Variants in ZNF521 observed in about 807,000 individuals in gnomAD.
The protein encoded by ZNF521 is zinc finger protein 521.
In ZNF521, 14 loss-of-function variants were observed where a neutral mutation model predicts 105.5. The ratio of observed to expected loss-of-function variants is 0.13; its 90% CI spans 0.09 to 0.21. ZNF521 has a LOEUF of 0.21. ZNF521 is among the 10% of genes least tolerant of loss of function. ZNF521 has a pLI of 1.00. For synonymous variants in ZNF521, 635 were observed against 606.0 expected (o/e 1.05, Z -0.70); for missense variants, 1,233 against 1,629.7 (o/e 0.76, Z 4.19).
Position 25,214,418 on chromosome 18 carries a change from A to T in ZNF521, c.3573+9927T>A, listed in dbSNP as rs539107987. Among the ~76,000 whole-genome samples the T allele has an allele frequency of 1.9e-4, 29 of 152,048 alleles. No homozygotes were observed. The South Asian group carries it at 6.0e-3, about 32-fold the overall frequency. The stretch of plus-strand genomic sequence containing the variant: ...TTCTGTCAGTCTTTTCAGAAAACTA[A>T]CTTTTCACTTTCTTGGCCTCCTTGT... On this transcript the variant is annotated intron_variant, in intron 4 of 7. Coordinates refer to ENST00000361524, the MANE Select transcript of ZNF521 (RefSeq NM_015461.3).
At chr18:25,154,169 T>C (rs2035100631) in intron 5 of ZNF521, among the ~76,000 whole-genome samples, 1 of 152,160 alleles carries the variant, frequency 6.6e-6, no homozygotes, top group Admixed American at 6.5e-5. Context: ...TCAAGCTATT[T>C]GGGGAAAAAA....
intron 2 of ZNF521, among the ~76,000 whole-genome samples, chr18:25,322,995 A>C (rs1232436498): frequency 1.3e-5 from 2 of 152,158 alleles, no homozygotes; most frequent in Non-Finnish European, 2.9e-5. Context: ...CGGGGAGAGA[A>C]AAGCACGTGG....
chr18:25,269,507 G>C (rs1258446023), intron 3 of ZNF521, among the ~76,000 whole-genome samples: 1 of 152,054 alleles, frequency 6.6e-6, no homozygotes, highest in Non-Finnish European at 1.5e-5. Context: ...GCACCACGTA[G>C]CACTTATTCT....
intron 5 of ZNF521, among the ~76,000 whole-genome samples, chr18:25,186,865 T>C (rs1451000295): frequency 7.5e-6 from 1 of 132,772 alleles, no homozygotes; most frequent in Non-Finnish European, 1.6e-5. Context: ...CTAGTAGAAA[T>C]GTCACCCACC....
chr18:25,273,869 A>G (rs1023296122), intron 3 of ZNF521, among the ~76,000 whole-genome samples: 1 of 152,184 alleles, frequency 6.6e-6, no homozygotes, highest in Non-Finnish European at 1.5e-5. Context: ...GGATAAGTAC[A>G]GTTTTCTATT....
At chr18:25,220,014 C>T (rs1025542377) in intron 4 of ZNF521, among the ~76,000 whole-genome samples, 9 of 152,070 alleles carry the variant, frequency 5.9e-5, no homozygotes, top group South Asian at 4.1e-4. Flanking sequence ...ATTTGGAGAG[C>T]GGTCAGTAAA....
Position 25,225,047 on chromosome 18 carries a change from T to G in ZNF521, c.2871A>C (p.Lys957Asn). 6.2e-7 allele frequency: 1 copy of G among 1,614,162 alleles called. No individual in the cohort carries two copies. Among genetic ancestry groups the G allele is most frequent in the Non-Finnish European group, 8.5e-7 (1 of 1,180,012 alleles). ...EHMQTHLGPV[K>N]HYMCPICGER... Reference sequence around the variant, plus strand: ...CTCCGCAAATAGGGCACATGTAGTGTTTGACAGGGCCTAGGTGGGTCTGCA... The same window carrying G: ...CTCCGCAAATAGGGCACATGTAGTGGTTGACAGGGCCTAGGTGGGTCTGCA... The change falls in exon 4 of 8, where the codon AAA becomes AAC. Residue 957 changes from lysine to asparagine, a missense_variant. Around this residue, in one of 6 missense-constraint regions of ZNF521, gnomAD observed 614 missense variants for 751.5 expected, o/e 0.82. Transcript: ENST00000361524. This position sits in a 1 kb window ranked among gnomAD's most constrained non-coding sequence, Gnocchi z 5.6.
chr18:25,124,637 T>C (rs1394194773), intron 5 of ZNF521, among the ~76,000 whole-genome samples: 2 of 152,204 alleles, frequency 1.3e-5, no homozygotes, highest in African/African-American at 4.8e-5. Context: ...TGTTCTTGTG[T>C]TGTGCAAACT....
chr18:25,347,973 C>T (rs1398572434), intron 2 of ZNF521, among the ~76,000 whole-genome samples: 1 of 152,208 alleles, frequency 6.6e-6, no homozygotes, highest in Non-Finnish European at 1.5e-5. Context: ...GGGCCTATTG[C>T]ATTTTCATGG....
intron 5 of ZNF521, among the ~76,000 whole-genome samples, chr18:25,104,570 C>T (rs2034033511): frequency 6.6e-6 from 1 of 152,144 alleles, no homozygotes; most frequent in Admixed American, 6.5e-5. Context: ...GGCCTCTTGC[C>T]CTTTTCTTTG....
intron 3 of ZNF521, among the ~76,000 whole-genome samples, chr18:25,236,275 C>A (rs1046470300): frequency 1.3e-5 from 2 of 152,190 alleles, no homozygotes; most frequent in African/African-American, 4.8e-5. Flanking sequence ...GTGGCTCACG[C>A]CTGTAATCCC....
intron 3 of ZNF521, among the ~76,000 whole-genome samples, chr18:25,287,851 A>G (rs1035046212): frequency 6.6e-6 from 1 of 152,230 alleles, no homozygotes; most frequent in Non-Finnish European, 1.5e-5. Context: ...AGATTCGCAG[A>G]TAAGTATCCA....
intron 5 of ZNF521, among the ~76,000 whole-genome samples, chr18:25,125,054 A>C (rs2034513434): frequency 6.6e-6 from 1 of 152,152 alleles, no homozygotes; most frequent in Non-Finnish European, 1.5e-5. Context: ...TTATGTGTCT[A>C]CTACAAGTAC....
intron 4 of ZNF521, among the ~76,000 whole-genome samples, chr18:25,195,956 G>A (rs1291974588): frequency 6.6e-6 from 1 of 151,706 alleles, no homozygotes; most frequent in Non-Finnish European, 1.5e-5. Flanking sequence ...TTTGCCTGAT[G>A]TCATGGTGCT....
intron 3 of ZNF521, among the ~76,000 whole-genome samples, chr18:25,233,604 G>A (rs1216366388): frequency 1.3e-5 from 2 of 151,720 alleles, no homozygotes; most frequent in Non-Finnish European, 2.9e-5. Context: ...GGAGTTGGTG[G>A]TGCACATTTT....
chr18:25,221,854 T>C (rs1435442158), intron 4 of ZNF521, among the ~76,000 whole-genome samples: 1 of 152,190 alleles, frequency 6.6e-6, no homozygotes, highest in Non-Finnish European at 1.5e-5. Flanking sequence ...TGCTGACATA[T>C]TATTTTTAGG....
intron 4 of ZNF521, among the ~76,000 whole-genome samples, chr18:25,221,184 C>G (rs1321753902): frequency 6.6e-6 from 1 of 152,154 alleles, no homozygotes; most frequent in African/African-American, 2.4e-5. Flanking sequence ...ATTCAGAAAG[C>G]ATTAGGCAGA....
At chr18:25,297,772 T>C (rs1254083215) in intron 3 of ZNF521, among the ~76,000 whole-genome samples, 1 of 152,152 alleles carries the variant, frequency 6.6e-6, no homozygotes, top group Non-Finnish European at 1.5e-5. Context: ...AAAAACTCTG[T>C]TTTTAAGGCA....
intron 5 of ZNF521, among the ~76,000 whole-genome samples, chr18:25,180,862 A>G (rs1193029717): frequency 6.6e-6 from 1 of 152,106 alleles, no homozygotes; most frequent in Non-Finnish European, 1.5e-5. Context: ...AACAACAACA[A>G]CAGCAACAGC....
Sources: gnomAD v4.1 joint callset for allele counts (sites outside exome capture counted in the v4.1 genomes callset) on GRCh38, gnomAD v4.1.1 for gene constraint, gnomAD v4.1.1 regional missense constraint, Gnocchi (gnomAD v3.1) non-coding constraint, MANE v1.5 for transcripts, NCBI Gene and HGNC (gene_info 2026-07-23, HGNC 2026-07-21) for gene names.